Variants in ADGRL3 observed in about 807,000 individuals in gnomAD.
ADGRL3 encodes the protein calcium-independent alpha-latrotoxin receptor 3.
A neutral mutation model predicts 153.5 loss-of-function variants in ADGRL3; 62 were observed. The observed-to-expected ratio is 0.40, with a 90% CI of 0.33 to 0.50. ADGRL3 has a LOEUF of 0.50. Ranked by LOEUF, ADGRL3 falls within the 20% of genes least tolerant of loss-of-function variation. ADGRL3 has a pLI of 0.47. For synonymous variants in ADGRL3, 710 were observed against 672.5 expected (o/e 1.06, Z -0.86); for missense variants, 1,641 against 1,859.4 (o/e 0.88, Z 2.16).
At chr4:61,285,496 A>AT (rs564912446) in intron 1 of ADGRL3, among the ~76,000 whole-genome samples, 17 of 151,624 alleles carry the variant, frequency 1.1e-4, no homozygotes, top group East Asian at 7.7e-4. Flanking sequence ...GTATTTATAT[A>AT]TTTTTTTAGC....
At chr4:61,575,297 A>T (rs979980531) in intron 4 of ADGRL3, among the ~76,000 whole-genome samples, 1 of 152,016 alleles carries the variant, frequency 6.6e-6, no homozygotes, top group African/African-American at 2.4e-5. Context: ...TTTGAATAAC[A>T]TAGAGAACAG....
Position 61,240,038 on chromosome 4 carries a change from G to T in ADGRL3, c.-240+38273G>T, listed in dbSNP as rs191732297. 1.3e-3 allele frequency among the ~76,000 whole-genome samples: 202 copies of T among 152,140 alleles called. 1 individual carries two copies. The highest frequency in any genetic ancestry group is 4.5e-3 in the African/African-American group (188 of 41,528). ...CTTTACAAAATATCTGAGAGTAGGT[G>T]GTTCATAAAAATAAACTTATTGCTC... On this transcript the variant is annotated intron_variant, in intron 1 of 26. Coordinates refer to ENST00000683033, the MANE Select transcript of ADGRL3 (RefSeq NM_001387552.1).
intron 1 of ADGRL3, among the ~76,000 whole-genome samples, chr4:61,343,724 T>A (rs971969697): frequency 6.6e-6 from 1 of 152,200 alleles, no homozygotes; most frequent in African/African-American, 2.4e-5. Flanking sequence ...CAGTGCATAA[T>A]ATCTTAAAGG....
At chr4:61,826,443 C>A (rs1344909829) in intron 9 of ADGRL3, among the ~76,000 whole-genome samples, 1 of 151,854 alleles carries the variant, frequency 6.6e-6, no homozygotes, top group African/African-American at 2.4e-5. Context: ...ACATTCTAGA[C>A]AAAGGAAAGT....
intron 2 of ADGRL3, among the ~76,000 whole-genome samples, chr4:61,383,545 T>C (rs376093852): frequency 3.3e-5 from 5 of 151,792 alleles, no homozygotes; most frequent in Admixed American, 2.6e-4. Flanking sequence ...TCTTAACTAA[T>C]GTAGAATAAC....
In ADGRL3 at chr4:61,801,892, A is replaced by G. The variant is rs139205773; in HGVS notation, c.1400-11917A>G. Among the ~76,000 whole-genome samples, 816 of 152,270 alleles carry G rather than the reference A, an allele frequency of 5.4e-3. 2 individuals are homozygous for G. The highest frequency in any genetic ancestry group is 0.018 in the African/African-American group (750 of 41,562). On this transcript the variant is annotated intron_variant, in intron 8 of 26. Coordinates refer to ENST00000683033, the MANE Select transcript of ADGRL3 (RefSeq NM_001387552.1). ...TTTAGTAATTTCATGTTCTCTGCAT[A>G]TATGTAAAATATATATGAGTGTTTC...
At chr4:62,041,326 C>G (rs1303985379) in intron 24 of ADGRL3, among the ~76,000 whole-genome samples, 3 of 151,896 alleles carry the variant, frequency 2.0e-5, no homozygotes, top group Admixed American at 1.3e-4. Flanking sequence ...ATGGGTGTAA[C>G]TTTTTTTAAA....
At chr4:61,495,741 A>G (rs335271) in intron 2 of ADGRL3, among the ~76,000 whole-genome samples, 123,104 of 152,082 alleles carry the variant, frequency 0.81, 50,411 homozygotes, top group East Asian at 0.95. Context: ...AGTTATTAAT[A>G]TTTGACACCT....
At chr4:61,428,644 A>T (rs2097310921) in intron 2 of ADGRL3, among the ~76,000 whole-genome samples, 1 of 152,308 alleles carries the variant, frequency 6.6e-6, no homozygotes, top group East Asian at 1.9e-4. Context: ...TAGTTATGTC[A>T]TGCCTAGCCT....
At chr4:61,850,320 G>A (rs2098187042) in intron 9 of ADGRL3, among the ~76,000 whole-genome samples, 1 of 152,112 alleles carries the variant, frequency 6.6e-6, no homozygotes, top group Non-Finnish European at 1.5e-5. Flanking sequence ...AACAATTGCA[G>A]TTTTGCCAAT....
At chr4:61,423,568 G>T (rs2097237226) in intron 2 of ADGRL3, among the ~76,000 whole-genome samples, 1 of 152,214 alleles carries the variant, frequency 6.6e-6, no homozygotes, top group Non-Finnish European at 1.5e-5. Context: ...TGATCTGGCA[G>T]AGAGCAGTAT....
chr4:61,371,131 C>T (rs371205027), intron 1 of ADGRL3, among the ~76,000 whole-genome samples: 21 of 149,804 alleles, frequency 1.4e-4, no homozygotes, highest in East Asian at 7.9e-4. Flanking sequence ...TGTCTCTGCA[C>T]GTGAGATGGG....
chr4:61,498,950 TG>T (rs926532668), intron 3 of ADGRL3, among the ~76,000 whole-genome samples: 7 of 152,332 alleles, frequency 4.6e-5, no homozygotes, highest in Admixed American at 3.3e-4. Flanking sequence ...CATATGTTGA[TG>T]ATAATTATAG....
intron 13 of ADGRL3, among the ~76,000 whole-genome samples, chr4:61,928,021 T>A (rs955127814): frequency 6.6e-6 from 1 of 150,920 alleles, no homozygotes; most frequent in Non-Finnish European, 1.5e-5. Flanking sequence ...AATGTTTAAA[T>A]GTAACTGTAT....
chr4:61,430,411 A>T (rs760507182), intron 2 of ADGRL3, among the ~76,000 whole-genome samples: 1 of 152,194 alleles, frequency 6.6e-6, no homozygotes, highest in Non-Finnish European at 1.5e-5. Flanking sequence ...AGAATAAAAT[A>T]TACATGAACT....
intron 21 of ADGRL3, among the ~76,000 whole-genome samples, chr4:61,999,009 A>G (rs1345471906): frequency 6.6e-6 from 1 of 152,184 alleles, no homozygotes; most frequent in Admixed American, 6.6e-5. Context: ...CAGAAGAGGA[A>G]CCCTGGAATT....
At position 61,497,198 on chromosome 4, in the gene ADGRL3, G is replaced by T; in HGVS notation, c.-96G>T. On this transcript the variant is annotated 5_prime_UTR_variant, in exon 3 of 27. Transcript: ENST00000683033. ...TTTTTAATTTGAAGAAAAATCATCA[G>T]TCTTGGAATACAGAAGAGAAACTAG... 1.4e-6 allele frequency: 1 copy of T among 720,178 alleles called. No homozygotes were observed. Among genetic ancestry groups the T allele is most frequent in the Non-Finnish European group, 2.3e-6 (1 of 430,442 alleles). 44.6% of individuals were successfully genotyped at this position (720,178 alleles called of 1,614,324 possible). A position where few individuals can be genotyped will look rare whatever the true frequency, so the allele number is the denominator to read the frequency against.
chr4:61,584,616 A>G (rs1336317945), intron 4 of ADGRL3, among the ~76,000 whole-genome samples: 1 of 152,026 alleles, frequency 6.6e-6, no homozygotes, highest in South Asian at 2.1e-4. Context: ...TAGTCAACAT[A>G]CTATAGCTAG....
rs534624131 is a variant in ADGRL3, at chr4:61,587,490, C to T, written c.473+50C>T. The T allele has an allele frequency of 4.6e-6, 6 of 1,317,432 alleles. No individual in the cohort carries two copies. In the East Asian group the frequency reaches 1.2e-4, roughly 26 times the overall value. 81.6% of individuals were successfully genotyped at this position (1,317,432 alleles called of 1,614,324 possible). ...CTTTGTGCACAATATAAACCTTCAA[C>T]ATCAATCTGTGTTACATGTTAAGCA... On this transcript the variant is annotated intron_variant, in intron 5 of 26. Coordinates refer to ENST00000683033, the MANE Select transcript of ADGRL3 (RefSeq NM_001387552.1).
Sources: gnomAD v4.1 joint callset for allele counts (sites outside exome capture counted in the v4.1 genomes callset) on GRCh38, gnomAD v4.1.1 for gene constraint, MANE v1.5 for transcripts, NCBI Gene and HGNC (gene_info 2026-07-23, HGNC 2026-07-21) for gene names.